Variants in RIN2 observed in about 807,000 individuals in gnomAD.
RIN2 encodes the protein Ras and Rab interactor 2.
In RIN2, 36 loss-of-function variants were observed where a neutral mutation model predicts 78.0. That is an observed-to-expected ratio of 0.46 (90% confidence interval 0.35 to 0.61). The LOEUF (loss-of-function observed/expected upper bound fraction) is 0.61, where lower values mean the gene tolerates loss of function less well. RIN2 is among the 20% of genes least tolerant of loss of function. The pLI is 0.00. For synonymous variants in RIN2, 466 were observed against 466.8 expected (o/e 1.00, Z 0.02); for missense variants, 1,087 against 1,159.7 (o/e 0.94, Z 0.91).
At chr20:19,964,280 GA>G (rs61171348) in intron 6 of RIN2, among the ~76,000 whole-genome samples, 103 of 140,712 alleles carry the variant, frequency 7.3e-4, no homozygotes, top group African/African-American at 1.2e-3. Flanking sequence ...GAGAGAGAGA[GA>G]AAAAAAAAAA....
At chr20:19,808,342 A>T (rs547844890) in intron 2 of RIN2, among the ~76,000 whole-genome samples, 1 of 152,312 alleles carries the variant, frequency 6.6e-6, no homozygotes, top group East Asian at 1.9e-4. Context: ...AGTCAGGGGA[A>T]GGGGAGTCGG....
chr20:19,826,341 TTTCA>T (rs548320718), intron 2 of RIN2, among the ~76,000 whole-genome samples: 179 of 152,306 alleles, frequency 1.2e-3, no homozygotes, highest in African/African-American at 4.0e-3. Context: ...TCATGAACTA[TTTCA>T]TTCAATACCC....
chr20:19,865,826 T>C (rs550550305), intron 2 of RIN2, among the ~76,000 whole-genome samples: 11 of 152,010 alleles, frequency 7.2e-5, no homozygotes, highest in Non-Finnish European at 1.6e-4. Context: ...AATAAAAATA[T>C]ACACATACAT....
chr20:19,849,740 T>C (rs2123168754), intron 2 of RIN2, among the ~76,000 whole-genome samples: 1 of 152,254 alleles, frequency 6.6e-6, no homozygotes, highest in South Asian at 2.1e-4. Context: ...GAAATAGTTT[T>C]AAAAGGAAGA....
intron 3 of RIN2, among the ~76,000 whole-genome samples, chr20:19,892,808 G>T (rs2038539156): frequency 6.6e-6 from 1 of 152,206 alleles, no homozygotes; most frequent in Admixed American, 6.5e-5. Flanking sequence ...CTGATTCTTT[G>T]CAGGTTCATT....
intron 2 of RIN2, among the ~76,000 whole-genome samples, chr20:19,807,312 TA>T (rs1274853597): frequency 6.6e-6 from 1 of 152,230 alleles, no homozygotes; most frequent in Non-Finnish European, 1.5e-5. Context: ...TAAGGCAATC[TA>T]CCATGCTTCC....
At chr20:19,983,157 C>T (rs1477926963) in intron 9 of RIN2, among the ~76,000 whole-genome samples, 1 of 152,218 alleles carries the variant, frequency 6.6e-6, no homozygotes, top group Non-Finnish European at 1.5e-5. Context: ...AGTAGACATA[C>T]TGAGCTTTCA....
At chr20:19,863,267 A>G (rs1282791883) in intron 2 of RIN2, among the ~76,000 whole-genome samples, 2 of 152,188 alleles carry the variant, frequency 1.3e-5, no homozygotes, top group South Asian at 2.1e-4. Context: ...TCTCATTTCT[A>G]TAACATTTGC....
intron 8 of RIN2, among the ~76,000 whole-genome samples, chr20:19,972,985 GT>G (rs202091552): frequency 0.033 from 5,055 of 152,096 alleles, 112 homozygotes; most frequent in Non-Finnish European, 0.053. Context: ...GGTATGAAAT[GT>G]TTTACATTCT....
chr20:19,939,812 C>T (rs1209927964), intron 4 of RIN2, among the ~76,000 whole-genome samples: 1 of 151,946 alleles, frequency 6.6e-6, no homozygotes, highest in Admixed American at 6.6e-5. Flanking sequence ...AACTTGTACA[C>T]ACAGGACATA....
chr20:19,897,050 G>A (rs939357835), intron 3 of RIN2, among the ~76,000 whole-genome samples: 9 of 151,918 alleles, frequency 5.9e-5, no homozygotes, highest in Non-Finnish European at 1.2e-4. Flanking sequence ...CCATGTCTTT[G>A]AAACCCTGTG....
chr20:19,858,441 G>T (rs1306192690), intron 2 of RIN2, among the ~76,000 whole-genome samples: 1 of 152,168 alleles, frequency 6.6e-6, no homozygotes, highest in Non-Finnish European at 1.5e-5. Context: ...TGACTTCAGT[G>T]CTGTCCAGCC....
Position 19,788,432 on chromosome 20 carries a change from C to CA in RIN2, c.-162-11173dup, listed in dbSNP as rs1224663738. ...CAACATGGCGAAATCCTGTCTCTGC[C>CA]AAAAAAAAAAAAAAAAACAACTAGC... is the stretch of plus-strand genomic sequence containing the variant. On this transcript the variant is annotated intron_variant, in intron 1 of 12. Transcript: ENST00000255006. Among the ~76,000 whole-genome samples, 1,112 of 53,654 alleles carry CA rather than the reference C, an allele frequency of 0.021. 49 individuals are homozygous for CA. The East Asian group carries it at 0.24, about 11-fold the overall frequency. The allele number at this position is 53,654 out of a possible 152,430, so 35.2% of individuals were successfully genotyped here. A position where few individuals can be genotyped will look rare whatever the true frequency, so the allele number is the denominator to read the frequency against.
intron 3 of RIN2, among the ~76,000 whole-genome samples, chr20:19,913,477 C>CTGTGGCATTAAGTACATTCATATTGT (rs1370488561): frequency 3.9e-5 from 6 of 152,218 alleles, no homozygotes; most frequent in Non-Finnish European, 8.8e-5. Flanking sequence ...ATGTACAATT[C>CTGTGGCATTAAGTACATTCATATTGT]TGTGGCATTA....
At chr20:19,971,039 T>G in intron 8 of RIN2, 110 bp downstream of exon 8, 1 of 789,962 alleles carries the variant, frequency 1.3e-6, no homozygotes, top group South Asian at 1.7e-5. Flanking sequence ...AGCTTCTCCA[T>G]CAGTGAGTTT....
chr20:19,992,786 T>C (rs1041254567), intron 11 of RIN2, among the ~76,000 whole-genome samples: 1 of 152,230 alleles, frequency 6.6e-6, no homozygotes, highest in Non-Finnish European at 1.5e-5. Context: ...TTATAAACTT[T>C]TGTTGAGGAT....
At position 19,994,272 on chromosome 20, in the gene RIN2, C is replaced by T. The variant is rs190314074; in HGVS notation, c.2200+1973C>T. The stretch of plus-strand genomic sequence containing the variant: ...GTGATCACAGACCAGGCCTGCACAG[C>T]ATCGAACTGAAGCTATGCAGCCTGG... On this transcript the variant is annotated intron_variant, in intron 11 of 12. Coordinates refer to ENST00000255006, the MANE Select transcript of RIN2 (RefSeq NM_018993.4). Among the ~76,000 whole-genome samples, 39 of 152,344 alleles carry T rather than the reference C, an allele frequency of 2.6e-4. No individual in the cohort carries two copies. The East Asian group carries it at 6.9e-3, about 27-fold the overall frequency.
intron 2 of RIN2, among the ~76,000 whole-genome samples, chr20:19,880,560 T>A (rs1243784767): frequency 6.6e-6 from 1 of 151,904 alleles, no homozygotes; most frequent in East Asian, 1.9e-4. Flanking sequence ...CATGCCCAGC[T>A]AATTTTCTGT....
At position 19,956,626 on chromosome 20, in the gene RIN2, A is replaced by C; in HGVS notation, c.170A>C (p.His57Pro). The C allele has an allele frequency of 6.2e-7, 1 of 1,613,314 alleles. No individual in the cohort carries two copies. Among genetic ancestry groups the C allele is most frequent in the South Asian group, 1.1e-5 (1 of 90,908 alleles). Reference sequence around the variant, plus strand: ...TCTCTTTCTCCTAGCATGGTAAGACACAAGGATGGTGGCTATTCCGAGGAA... The same window carrying C: ...TCTCTTTCTCCTAGCATGGTAAGACCCAAGGATGGTGGCTATTCCGAGGAA... Reference protein sequence around the residue: ...EPAETHSMVRHKDGGYSEEED... With the variant: ...EPAETHSMVRPKDGGYSEEED... The change falls in exon 5 of 13, where the codon CAC becomes CCC. Residue 57 changes from histidine (H) to proline (P), a missense_variant. By Grantham distance (77) the His-to-Pro change is moderately conservative (BLOSUM62 -2). Coordinates refer to ENST00000255006, the MANE Select transcript of RIN2 (RefSeq NM_018993.4).
Sources: gnomAD v4.1 joint callset for allele counts (sites outside exome capture counted in the v4.1 genomes callset) on GRCh38, gnomAD v4.1.1 for gene constraint, MANE v1.5 for transcripts, NCBI Gene and HGNC (gene_info 2026-07-23, HGNC 2026-07-21) for gene names.